CHD7: variants seen among roughly 807,000 people sequenced by gnomAD.
CHD7 encodes chromodomain helicase DNA binding protein 7.
A neutral mutation model predicts 307.3 loss-of-function variants in CHD7; 24 were observed. The ratio of observed to expected loss-of-function variants is 0.08; its 90% CI spans 0.06 to 0.11. CHD7 has a LOEUF of 0.11. Among genes scored for constraint, CHD7 ranks in the 10% least tolerant of loss-of-function variants. CHD7 has a pLI of 1.00. For missense variants in CHD7, 3,106 were observed against 3,727.1 expected, an observed-to-expected ratio of 0.83 and a Z score of 4.34; for synonymous variants, 1,363 against 1,349.9, an observed-to-expected ratio of 1.01 and a Z score of -0.21.
intron 2 of CHD7, among the ~76,000 whole-genome samples, chr8:60,779,407 T>G (rs1811098757): frequency 1.3e-5 from 2 of 152,172 alleles, no homozygotes; most frequent in Admixed American, 1.3e-4. Flanking sequence ...AGTACTAGAG[T>G]TAGGAAACTA....
intron 1 of CHD7, among the ~76,000 whole-genome samples, chr8:60,727,830 C>T (rs1186039075): frequency 6.6e-6 from 1 of 152,188 alleles, no homozygotes; most frequent in Non-Finnish European, 1.5e-5. Flanking sequence ...TTTTTTTCTA[C>T]ACCTCTCTTC....
intron 1 of CHD7, among the ~76,000 whole-genome samples, chr8:60,722,891 C>G (rs1274525215): frequency 2.6e-5 from 4 of 152,166 alleles, no homozygotes; most frequent in East Asian, 1.9e-4. Flanking sequence ...CATCAAAACT[C>G]TACAAGGGGT....
At chr8:60,761,100 C>T (rs538854506) in intron 2 of CHD7, among the ~76,000 whole-genome samples, 19 of 151,890 alleles carry the variant, frequency 1.3e-4, no homozygotes, top group East Asian at 1.2e-3. Flanking sequence ...CCCAAATGTC[C>T]GACAATGATA....
chr8:60,723,113 T>A (rs986842430), intron 1 of CHD7, among the ~76,000 whole-genome samples: 10 of 152,312 alleles, frequency 6.6e-5, no homozygotes, highest in South Asian at 4.1e-4. Context: ...TTATTTTTTT[T>A]AAATTTGTAT....
At chr8:60,786,437 G>T (rs1157400884) in intron 3 of CHD7, among the ~76,000 whole-genome samples, 1 of 152,214 alleles carries the variant, frequency 6.6e-6, no homozygotes, top group African/African-American at 2.4e-5. Context: ...GGGCTACACT[G>T]GGCCTGCTGG....
intron 6 of CHD7, among the ~76,000 whole-genome samples, chr8:60,804,637 G>A (rs191247516): frequency 2.0e-5 from 3 of 152,296 alleles, no homozygotes; most frequent in Admixed American, 2.0e-4. Flanking sequence ...TAACTTTATT[G>A]AGGTGCTTTT....
intron 19 of CHD7, among the ~76,000 whole-genome samples, chr8:60,838,934 TTAAC>T (rs759586675): frequency 8.5e-5 from 13 of 152,264 alleles, no homozygotes; most frequent in Admixed American, 2.6e-4. Flanking sequence ...TGAAATGTAA[TTAAC>T]TGACCATACA....
intron 15 of CHD7, among the ~76,000 whole-genome samples, chr8:60,831,884 C>T (rs1159885466): frequency 6.6e-6 from 1 of 152,142 alleles, no homozygotes; most frequent in African/African-American, 2.4e-5. Flanking sequence ...ACGTGTAACT[C>T]ATCGGCCACC....
intron 1 of CHD7, among the ~76,000 whole-genome samples, chr8:60,689,979 A>G (rs1806114122): frequency 1.3e-5 from 2 of 152,230 alleles, no homozygotes; most frequent in Admixed American, 6.5e-5. Context: ...CCACTTGGCT[A>G]TAGATCACAG....
Position 60,852,768 on chromosome 8 carries a change from T to C in CHD7, c.6104-61T>C, listed in dbSNP as rs555871620. On this transcript the variant is annotated intron_variant, in intron 30 of 37. Transcript: ENST00000423902. Reference sequence around the variant, plus strand: ...ACGAGTAAAGTGAAAAATAAGAAAGTGTACAATGTAGAATGCCCTTGAATT... The same window carrying C: ...ACGAGTAAAGTGAAAAATAAGAAAGCGTACAATGTAGAATGCCCTTGAATT... The C allele has an allele frequency of 3.0e-5, 49 of 1,609,470 alleles. 1 individual carries two copies. The South Asian group carries it at 4.3e-4, about 14-fold the overall frequency.
intron 1 of CHD7, among the ~76,000 whole-genome samples, chr8:60,681,713 T>A (rs1805640882): frequency 6.6e-6 from 1 of 152,218 alleles, no homozygotes; most frequent in African/African-American, 2.4e-5. Context: ...GTCAGGCTTG[T>A]AACAGGTGAA....
chr8:60,852,165 G>T lies in CHD7; in HGVS notation c.5812G>T (p.Asp1938Tyr). The T allele has an allele frequency of 1.2e-6, 2 of 1,613,906 alleles. No individual in the cohort carries two copies. The highest frequency in any genetic ancestry group is 2.2e-5 in the South Asian group (2 of 91,048). Residue 1938 changes from aspartate to tyrosine, a missense_variant, in exon 29 of 38, where the codon GAC becomes TAC. Asp to Tyr is a radical substitution (Grantham distance 160). Coordinates refer to ENST00000423902, the MANE Select transcript of CHD7 (RefSeq NM_017780.4). ...QMRQEALMKT[D>Y]RRRRRPREEV... is the part of the protein sequence containing the mutation. The stretch of plus-strand genomic sequence containing the variant: ...GAGGCAAGAGGCCCTAATGAAGACT[G>T]ACCGGCGCAGACGGCGGCCTCGAGA...
At chr8:60,757,600 A>G (rs982153581) in intron 2 of CHD7, among the ~76,000 whole-genome samples, 2 of 152,184 alleles carry the variant, frequency 1.3e-5, no homozygotes, top group Non-Finnish European at 1.5e-5. Context: ...TTTATACTCC[A>G]GGGCAACACA....
At chr8:60,823,169 A>G in intron 12 of CHD7, among the ~76,000 whole-genome samples, 1 of 152,226 alleles carries the variant, frequency 6.6e-6, no homozygotes. Flanking sequence ...GACACATTGA[A>G]TGAAACACAT....
intron 3 of CHD7, among the ~76,000 whole-genome samples, chr8:60,788,648 C>T (rs1811616600): frequency 6.6e-6 from 1 of 152,134 alleles, no homozygotes; most frequent in Non-Finnish European, 1.5e-5. Flanking sequence ...TGGAGTGAAG[C>T]ATGTGGGTGC....
At position 60,836,722 on chromosome 8, in the gene CHD7, A is replaced by G. The variant is rs770119213; in HGVS notation, c.3990-95A>G. ...GTTAAGTCATATTAGTCTTTTTAATATATATTCCATATTGTAATAATTAAA... is the reference window on the plus strand; with the variant it reads ...GTTAAGTCATATTAGTCTTTTTAATGTATATTCCATATTGTAATAATTAAA... On this transcript the variant is annotated intron_variant, in intron 16 of 37. Coordinates refer to ENST00000423902, the MANE Select transcript of CHD7 (RefSeq NM_017780.4). The G allele has an allele frequency of 5.0e-5, 43 of 861,644 alleles. 1 individual carries two copies. The highest frequency in any genetic ancestry group is 3.6e-4 in the Middle Eastern group (1 of 2,772). The allele number at this position is 861,644 out of a possible 1,614,324, so 53.4% of individuals were successfully genotyped here.
chr8:60,839,342 A>G lies in CHD7; in HGVS notation c.4533+1087A>G, dbSNP rs1008153248. Among the ~76,000 whole-genome samples, 3 of 152,186 alleles carry G rather than the reference A, an allele frequency of 2.0e-5. No individual in the cohort carries two copies. The East Asian group carries it at 5.8e-4, about 29-fold the overall frequency. On this transcript the variant is annotated intron_variant, in intron 19 of 37. Coordinates refer to ENST00000423902, the MANE Select transcript of CHD7 (RefSeq NM_017780.4). ...CCACCTTTACTTGTTGATAATGGACATCTGGGTTGTTTTTACTATTGGCTA... is the reference window on the plus strand; with the variant it reads ...CCACCTTTACTTGTTGATAATGGACGTCTGGGTTGTTTTTACTATTGGCTA...
intron 11 of CHD7, 110 bp from the exon 12 acceptor site, chr8:60,822,393 A>G (rs1804085813): frequency 9.5e-7 from 1 of 1,057,838 alleles, no homozygotes; most frequent in Non-Finnish European, 1.3e-6. Flanking sequence ...GAGAACATCT[A>G]AAGCCTTTGG....
chr8:60,829,030 A>G (rs1322559298), intron 14 of CHD7, among the ~76,000 whole-genome samples: 2 of 152,162 alleles, frequency 1.3e-5, no homozygotes, highest in African/African-American at 2.4e-5. Context: ...TGAGATTTAT[A>G]GAGAGGTTAC....
Sources: allele counts gnomAD v4.1 joint callset (sites outside exome capture counted in the v4.1 genomes callset), GRCh38; gene constraint gnomAD v4.1.1; transcripts MANE v1.5; gene names NCBI Gene and HGNC (gene_info 2026-07-23, HGNC 2026-07-21).